MEF2C: variants seen among roughly 807,000 people sequenced by gnomAD.
MEF2C encodes myocyte-specific enhancer factor 2C.
In MEF2C, 6 loss-of-function variants were observed where a neutral mutation model predicts 50.5. The ratio of observed to expected loss-of-function variants is 0.12; its 90% CI spans 0.07 to 0.23. The LOEUF (loss-of-function observed/expected upper bound fraction) is 0.23. Among genes scored for constraint, MEF2C ranks in the 10% least tolerant of loss-of-function variants. The pLI is 1.00. For synonymous variants in MEF2C, 183 were observed against 228.0 expected, an observed-to-expected ratio of 0.80 and a Z score of 1.78; for missense variants, 276 against 605.0, an observed-to-expected ratio of 0.46 and a Z score of 5.70.
At chr5:88,841,434 G>A (rs903893236) in intron 1 of MEF2C, among the ~76,000 whole-genome samples, 4 of 151,052 alleles carry the variant, frequency 2.6e-5, no homozygotes, top group South Asian at 2.1e-4. Context: ...TTGAGCCCAG[G>A]AGTTTCAGGC....
intron 4 of MEF2C, chr5:88,752,686 G>A (rs1204332901): frequency 1.0e-6 from 1 of 985,088 alleles, no homozygotes; most frequent in East Asian, 1.1e-4. Context: ...TACCGCCACT[G>A]ACAAATGGCA....
chr5:88,869,686 C>T (rs769681721), intron 1 of MEF2C, among the ~76,000 whole-genome samples: 10 of 150,692 alleles, frequency 6.6e-5, no homozygotes, highest in Non-Finnish European at 1.5e-4. Flanking sequence ...TCACATAGTA[C>T]CAGAAAAATT....
In MEF2C at chr5:88,733,216, T is replaced by C. The variant is rs527612228; in HGVS notation, c.638-1315A>G. The stretch of plus-strand genomic sequence containing the variant: ...AAAGAAAGGCCATAGGAAGATATGT[T>C]AGGCTTGTGACTGGGCAGTAGGAAA... On this transcript the variant is annotated intron_variant, in intron 6 of 10. Coordinates refer to ENST00000504921, the MANE Select transcript of MEF2C (RefSeq NM_002397.5). 1.6e-5 allele frequency: 16 copies of C among 985,304 alleles called. No homozygotes were observed. In the South Asian group the frequency reaches 5.6e-4, roughly 35 times the overall value. The allele number at this position is 985,304 out of a possible 1,614,324, so 61.0% of individuals were successfully genotyped here. A position where few individuals can be genotyped will look rare whatever the true frequency, so the allele number is the denominator to read the frequency against.
At chr5:88,805,888 T>C (rs1800231843) in intron 2 of MEF2C, among the ~76,000 whole-genome samples, 1 of 137,626 alleles carries the variant, frequency 7.3e-6, no homozygotes, top group Non-Finnish European at 1.5e-5. Context: ...TATGGTCCAG[T>C]GTTTCCCATC....
intron 1 of MEF2C, chr5:88,889,153 T>C (rs1347352665): frequency 6.6e-6 from 1 of 152,152 alleles, no homozygotes; most frequent in Non-Finnish European, 1.5e-5. Context: ...CGGACGGCCC[T>C]CAAAGACCCA....
chr5:88,823,697 T>A (rs1020945389), intron 2 of MEF2C, 38 bp downstream of exon 2: 5 of 1,526,988 alleles, frequency 3.3e-6, no homozygotes, highest in Non-Finnish European at 4.5e-6. Flanking sequence ...AAAATATAAT[T>A]AATAAATAAT....
At chr5:88,728,992 T>C (rs1388596659) in intron 9 of MEF2C, among the ~76,000 whole-genome samples, 1 of 152,168 alleles carries the variant, frequency 6.6e-6, no homozygotes, top group Non-Finnish European at 1.5e-5. Context: ...TTCTTGAAAG[T>C]GTGTTTCTAT....
chr5:88,768,948 G>A (rs1781188850), intron 3 of MEF2C, among the ~76,000 whole-genome samples: 1 of 152,024 alleles, frequency 6.6e-6, no homozygotes, highest in Non-Finnish European at 1.5e-5. Flanking sequence ...TAAAATTTAG[G>A]GGTACTAGTC....
intron 6 of MEF2C, chr5:88,738,430 A>C: frequency 1.1e-6 from 1 of 943,340 alleles, no homozygotes; most frequent in Non-Finnish European, 1.3e-6. Flanking sequence ...TAATCTTCAC[A>C]AGAACAACCC....
At chr5:88,771,638 T>G in intron 3 of MEF2C, 1 of 982,246 alleles carries the variant, frequency 1.0e-6, no homozygotes, top group Non-Finnish European at 1.2e-6. Flanking sequence ...ACCAAGATTC[T>G]CAGTTATGGT....
In MEF2C at chr5:88,718,739, T is replaced by A. The variant is rs1204258331; in HGVS notation, c.*3865A>T. ...TATGAACAGGGAAGGCAAAATGCAA[T>A]ACCAGATTATGAAAATAACCAAAAT... On this transcript the variant is annotated 3_prime_UTR_variant, in exon 11 of 11. Transcript: ENST00000504921. 4 of 152,334 alleles carry A rather than the reference T, an allele frequency of 2.6e-5. No homozygotes were observed. Among genetic ancestry groups the A allele is most frequent in the African/African-American group, 4.8e-5 (2 of 41,574 alleles). The allele number at this position is 152,334 out of a possible 1,614,324, so 9.4% of individuals were successfully genotyped here.
At chr5:88,903,816 C>G (rs543057658) in intron 1 of MEF2C, 6 of 152,010 alleles carry the variant, frequency 3.9e-5, no homozygotes, top group Admixed American at 3.9e-4. Context: ...CCAATGGTCT[C>G]ATCAACTTTG....
chr5:88,740,551 A>G (rs1476756166), intron 6 of MEF2C: 13 of 984,704 alleles, frequency 1.3e-5, no homozygotes, highest in Non-Finnish European at 1.6e-5. Flanking sequence ...AGCAAGGAAG[A>G]GGCTTTGATT....
intron 2 of MEF2C, among the ~76,000 whole-genome samples, chr5:88,816,837 A>G (rs1401294154): frequency 6.6e-6 from 1 of 151,934 alleles, no homozygotes; most frequent in African/African-American, 2.4e-5. Context: ...AAAAACAATC[A>G]TCATCATCAT....
intron 3 of MEF2C, chr5:88,780,687 C>G (rs1787534343): frequency 4.7e-6 from 4 of 853,132 alleles, no homozygotes; most frequent in Non-Finnish European, 1.4e-6. Context: ...TCACTGTTAA[C>G]AATATCATCA....
At chr5:88,765,797 A>G (rs1206516782) in intron 3 of MEF2C, among the ~76,000 whole-genome samples, 2 of 152,238 alleles carry the variant, frequency 1.3e-5, no homozygotes, top group African/African-American at 4.8e-5. Flanking sequence ...AGATAAGGCA[A>G]GAGATCTCCT....
intron 1 of MEF2C, among the ~76,000 whole-genome samples, chr5:88,835,610 G>A (rs566211692): frequency 3.7e-4 from 57 of 152,020 alleles, no homozygotes; most frequent in African/African-American, 1.4e-3. Flanking sequence ...TCAGGAGTTC[G>A]AGACCAGCCT....
At chr5:88,824,078 T>C (rs1356850768) in intron 1 of MEF2C, 148 bp from the exon 2 acceptor site, 2 of 896,518 alleles carry the variant, frequency 2.2e-6, no homozygotes, top group African/African-American at 1.8e-5. Context: ...AAATATATGG[T>C]ATATCACAGA....
intron 1 of MEF2C, among the ~76,000 whole-genome samples, chr5:88,869,117 G>A (rs1350148381): frequency 6.6e-6 from 1 of 151,380 alleles, no homozygotes; most frequent in Non-Finnish European, 1.5e-5. Flanking sequence ...TTGCTATAAT[G>A]GCAAAGTTGT....
Sources: allele counts gnomAD v4.1 joint callset (sites outside exome capture counted in the v4.1 genomes callset), GRCh38; gene constraint gnomAD v4.1.1; transcripts MANE v1.5; gene names NCBI Gene and HGNC (gene_info 2026-07-23, HGNC 2026-07-21).